CAPZB: variants seen among roughly 807,000 people sequenced by gnomAD.
CAPZB encodes the protein F-actin-capping protein subunit beta.
In CAPZB, 2 loss-of-function variants were observed where a neutral mutation model predicts 38.1. The ratio of observed to expected loss-of-function variants is 0.05; its 90% CI spans 0.02 to 0.17. The LOEUF (loss-of-function observed/expected upper bound fraction) is 0.17. Among genes scored for constraint, CAPZB ranks in the 10% least tolerant of loss-of-function variants. The pLI, the probability that CAPZB is intolerant of heterozygous loss-of-function variation, is 1.00. For synonymous variants in CAPZB, 107 were observed against 127.4 expected (o/e 0.84, Z 1.08); for missense variants, 161 against 334.2 (o/e 0.48, Z 4.04).
intron 2 of CAPZB, among the ~76,000 whole-genome samples, chr1:19,405,434 GA>G (rs2094326147): frequency 6.7e-6 from 1 of 149,408 alleles, no homozygotes; most frequent in African/African-American, 2.5e-5. Context: ...GAAGGTCAAT[GA>G]GACAGGAAAA....
chr1:19,419,775 G>C, intron 1 of CAPZB, 25 bp from the exon 2 acceptor site: 1 of 1,330,320 alleles, frequency 7.5e-7, no homozygotes, highest in Non-Finnish European at 1.1e-6. Context: ...ATACAAGTGC[G>C]TCAGTCATTT....
Position 19,417,085 on chromosome 1 carries a change from G to C in CAPZB, c.93+2576C>G, listed in dbSNP as rs2094383324. On this transcript the variant is annotated intron_variant, in intron 2 of 8. Coordinates refer to ENST00000264202, the MANE Select transcript of CAPZB (RefSeq NM_004930.5). ...TCACCATCAATGCTGCAATTTCCCT[G>C]TTGAGCCCAGGGAAAACCCGCACGG... Among the ~76,000 whole-genome samples the C allele has an allele frequency of 2.6e-5, 4 of 151,956 alleles. No individual in the cohort carries two copies. The South Asian group carries it at 8.3e-4, about 32-fold the overall frequency.
chr1:19,441,760 C>A (rs551380105), intron 1 of CAPZB, among the ~76,000 whole-genome samples: 4 of 151,936 alleles, frequency 2.6e-5, no homozygotes, highest in African/African-American at 9.7e-5. Context: ...ATAATCCCAG[C>A]ACTTTGGGAG....
chr1:19,403,738 G>T (rs1232218357), intron 2 of CAPZB, among the ~76,000 whole-genome samples: 2 of 152,222 alleles, frequency 1.3e-5, no homozygotes, highest in African/African-American at 4.8e-5. Context: ...TCATTGAACT[G>T]CTCTAAAATG....
chr1:19,357,534 T>C lies in CAPZB; in HGVS notation c.359A>G (p.Tyr120Cys), dbSNP rs2100320481. The change falls in exon 5 of 9, where the codon TAC becomes TGC. Residue 120 changes from tyrosine to cysteine, a missense_variant. By Grantham distance (194) the Tyr-to-Cys change is radical. Transcript: ENST00000264202. This position sits in a 1 kb window ranked among gnomAD's most constrained non-coding sequence, Gnocchi z 4.3. ...LYFEGGVSSVYLWDLDHGFAG... is the reference protein window; with the variant it reads ...LYFEGGVSSVCLWDLDHGFAG... ...AAAGCCATGATCCAGATCCCAGAGG[T>C]AGACAGATGAGACGCCACCTTCAAA... The C allele has an allele frequency of 6.2e-7, 1 of 1,613,914 alleles. No individual in the cohort carries two copies. Among genetic ancestry groups the C allele is most frequent in the Non-Finnish European group, 8.5e-7 (1 of 1,179,988 alleles).
At chr1:19,419,018 T>G (rs532979842) in intron 2 of CAPZB, among the ~76,000 whole-genome samples, 9 of 152,240 alleles carry the variant, frequency 5.9e-5, no homozygotes, top group African/African-American at 2.2e-4. Flanking sequence ...TGATTTTATT[T>G]CTTTCCAATA....
chr1:19,373,236 C>T (rs1323530283), intron 4 of CAPZB, among the ~76,000 whole-genome samples: 1 of 152,068 alleles, frequency 6.6e-6, no homozygotes, highest in Non-Finnish European at 1.5e-5. Flanking sequence ...ACGGCTCAGC[C>T]CCCTGCACCC....
chr1:19,434,550 CTTT>C (rs11483583), intron 1 of CAPZB, among the ~76,000 whole-genome samples: 1 of 146,928 alleles, frequency 6.8e-6, no homozygotes, highest in Non-Finnish European at 1.5e-5. Flanking sequence ...CAGAGTAAGC[CTTT>C]TTTTTTTTTA....
At chr1:19,452,859 A>T (rs2094521197) in intron 1 of CAPZB, among the ~76,000 whole-genome samples, 1 of 144,274 alleles carries the variant, frequency 6.9e-6, no homozygotes, top group Non-Finnish European at 1.5e-5. Flanking sequence ...GCTAGAATGC[A>T]GTGGAGCGCT....
chr1:19,470,601 A>G, intron 1 of CAPZB, among the ~76,000 whole-genome samples: 1 of 152,242 alleles, frequency 6.6e-6, no homozygotes, highest in East Asian at 1.9e-4. Context: ...TGTTAGACAT[A>G]GGACCTGATC....
At chr1:19,475,221 T>C (rs1237155498) in intron 1 of CAPZB, among the ~76,000 whole-genome samples, 1 of 152,230 alleles carries the variant, frequency 6.6e-6, no homozygotes, top group Non-Finnish European at 1.5e-5. Flanking sequence ...TCTACTTTTA[T>C]GCTCACCATT....
intron 2 of CAPZB, 74 bp downstream of exon 2, chr1:19,419,587 A>C (rs2094393531): frequency 3.6e-6 from 3 of 843,916 alleles, no homozygotes; most frequent in Non-Finnish European, 5.9e-6. Flanking sequence ...TGAATTCTGC[A>C]TGGAAAAAGC....
intron 2 of CAPZB, among the ~76,000 whole-genome samples, chr1:19,405,639 T>C (rs2094327808): frequency 6.6e-6 from 1 of 151,614 alleles, no homozygotes; most frequent in Non-Finnish European, 1.5e-5. Flanking sequence ...ACTAGGAGTG[T>C]TGTTTTAGCT....
At chr1:19,461,348 G>A (rs1295169255) in intron 1 of CAPZB, among the ~76,000 whole-genome samples, 2 of 152,190 alleles carry the variant, frequency 1.3e-5, no homozygotes, top group East Asian at 1.9e-4. Context: ...ACAACTGAAC[G>A]TTGTAGGACC....
intron 1 of CAPZB, among the ~76,000 whole-genome samples, chr1:19,422,723 TCTCAAAAACAACAAC>T (rs1406465603): frequency 1.9e-5 from 2 of 106,488 alleles, no homozygotes; most frequent in African/African-American, 7.8e-5. Context: ...CGAGACTCCA[TCTCAAAAACAACAAC>T]AACAACAACA....
chr1:19,400,762 T>C (rs181433731), intron 2 of CAPZB, among the ~76,000 whole-genome samples: 13 of 152,166 alleles, frequency 8.5e-5, no homozygotes, highest in African/African-American at 3.1e-4. Flanking sequence ...ATAGATCTTG[T>C]AGGAAAAAAA....
chr1:19,380,120 T>C (rs2094166058), intron 3 of CAPZB, among the ~76,000 whole-genome samples: 3 of 152,210 alleles, frequency 2.0e-5, no homozygotes, highest in South Asian at 2.1e-4. Flanking sequence ...CAGTAGATCA[T>C]GGAGTATGGA....
chr1:19,416,592 T>C (rs903819890), intron 2 of CAPZB, among the ~76,000 whole-genome samples: 3 of 152,096 alleles, frequency 2.0e-5, no homozygotes. Context: ...CTAGCATACA[T>C]TCTACAGAAG....
intron 2 of CAPZB, among the ~76,000 whole-genome samples, chr1:19,399,884 A>C (rs2094293677): frequency 6.6e-6 from 1 of 152,122 alleles, no homozygotes; most frequent in African/African-American, 2.4e-5. Flanking sequence ...ATCCCTCCTA[A>C]AACAAACCTT....
Sources: gnomAD v4.1 joint callset for allele counts (sites outside exome capture counted in the v4.1 genomes callset) on GRCh38, gnomAD v4.1.1 for gene constraint, Gnocchi (gnomAD v3.1) non-coding constraint, MANE v1.5 for transcripts, NCBI Gene and HGNC (gene_info 2026-07-23, HGNC 2026-07-21) for gene names.